The following LAYN variants were observed in gnomAD, a reference collection of about 807,000 sequenced individuals.
LAYN encodes layilin.
Under a neutral mutation model 43.6 loss-of-function variants are expected in LAYN, and 38 were observed. That is an observed-to-expected ratio of 0.87 (90% CI 0.67 to 1.14). The LOEUF (loss-of-function observed/expected upper bound fraction) is 1.14. Ranked by LOEUF, LAYN falls within the 50% of genes most tolerant of loss-of-function variation. The pLI, the probability that LAYN is intolerant of heterozygous loss-of-function variation, is 0.00. For missense variants in LAYN, 479 were observed against 463.8 expected, an observed-to-expected ratio of 1.03 and a Z score of -0.30; for synonymous variants, 168 against 172.9, an observed-to-expected ratio of 0.97 and a Z score of 0.22.
chr11:111,544,731 C>T (rs907708703), intron 2 of LAYN, among the ~76,000 whole-genome samples: 4 of 152,110 alleles, frequency 2.6e-5, no homozygotes, highest in African/African-American at 9.7e-5. Flanking sequence ...CATGACATTG[C>T]CATCATCCCT....
Position 111,546,743 on chromosome 11 carries a change from A to G in LAYN, c.383+2523A>G, listed in dbSNP as rs1867655123. ...TAATCTCCGATTAGGTGTGTCTGAC[A>G]GTTCCTTGCTCATGATGGGCAGGTT... On this transcript the variant is annotated intron_variant, in intron 2 of 6. Coordinates refer to ENST00000375614, the MANE Select transcript of LAYN (RefSeq NM_178834.5). Among the ~76,000 whole-genome samples the G allele has an allele frequency of 2.0e-5, 3 of 152,190 alleles. No individual in the cohort carries two copies. In the South Asian group the frequency reaches 6.2e-4, roughly 31 times the overall value.
intron 5 of LAYN, among the ~76,000 whole-genome samples, chr11:111,557,178 G>GA (rs150212588): frequency 0.027 from 3,898 of 143,852 alleles, 69 homozygotes; most frequent in Non-Finnish European, 0.04. Context: ...TCTTTTCTCT[G>GA]AAAAAAAAAA....
At chr11:111,541,980 C>T (rs561220575) in intron 1 of LAYN, among the ~76,000 whole-genome samples, 2 of 152,174 alleles carry the variant, frequency 1.3e-5, no homozygotes, top group Non-Finnish European at 2.9e-5. Flanking sequence ...GTCTCTGGCA[C>T]TCACCCGCAG....
At position 111,547,431 on chromosome 11, in the gene LAYN, C is replaced by T. The variant is rs146196739; in HGVS notation, c.384-2187C>T. Among the ~76,000 whole-genome samples, 80 of 152,298 alleles carry T rather than the reference C, an allele frequency of 5.3e-4. 2 individuals carry two copies. The East Asian group carries it at 0.015, about 29-fold the overall frequency. On this transcript the variant is annotated intron_variant, in intron 2 of 6. Transcript: ENST00000375614. ...TGCAAGATGTCTAGGAAATCCAGAT[C>T]TCTTTACACCATATTATGACAGAGG...
At chr11:111,555,150 A>G in intron 4 of LAYN, 57 bp from the exon 5 acceptor site, 1 of 1,354,538 alleles carries the variant, frequency 7.4e-7, no homozygotes, top group Non-Finnish European at 1.1e-6. Flanking sequence ...TAGGACCTCA[A>G]AGAATACCTG....
In LAYN at chr11:111,560,184, A is replaced by G; in HGVS notation, c.851A>G (p.Tyr284Cys). ...HQGNSPDLEV[Y>C]NVIRKQSEAD... ...GGAAACAGCCCGGACCTAGAGGTCTACAATGTCATAAGAAAACAAAGCGAA... is the reference window on the plus strand; with the variant it reads ...GGAAACAGCCCGGACCTAGAGGTCTGCAATGTCATAAGAAAACAAAGCGAA... The change falls in exon 7 of 7, where the codon TAC (tyrosine) becomes TGC (cysteine). Residue 284 changes from tyrosine to cysteine, a missense_variant. Transcript: ENST00000375614. 1 of 1,614,254 alleles carries G rather than the reference A, an allele frequency of 6.2e-7. No individual in the cohort carries two copies. The highest frequency in any genetic ancestry group is 8.5e-7 in the Non-Finnish European group (1 of 1,180,034).
At chr11:111,557,145 G>A (rs1247623594) in intron 5 of LAYN, among the ~76,000 whole-genome samples, 3 of 151,548 alleles carry the variant, frequency 2.0e-5, no homozygotes, top group African/African-American at 7.3e-5. Flanking sequence ...CTTTACTAAG[G>A]GAGGACAAGA....
In LAYN at chr11:111,540,826, GC is replaced by G; in HGVS notation, c.-17del. 1 of 1,520,700 alleles carries G rather than the reference GC, an allele frequency of 6.6e-7. No individual in the cohort carries two copies. Among genetic ancestry groups the G allele is most frequent in the Non-Finnish European group, 8.8e-7 (1 of 1,141,148 alleles). 94.2% of individuals were successfully genotyped at this position (1,520,700 alleles called of 1,614,324 possible). The stretch of plus-strand genomic sequence containing the variant: ...CGCCGTAGCGCCCGAGTGTCGGGGG[GC>G]GCACCCGAGTCGGGCCATGAGGCCG... On this transcript the variant is annotated 5_prime_UTR_variant, in exon 1 of 7. Coordinates refer to ENST00000375614, the MANE Select transcript of LAYN (RefSeq NM_178834.5).
chr11:111,549,492 T>A (rs1278233419), intron 2 of LAYN, 126 bp from the exon 3 acceptor site: 2 of 729,218 alleles, frequency 2.7e-6, no homozygotes, highest in African/African-American at 1.8e-5. Context: ...CCTACCTCTC[T>A]CTGTATCATG....
chr11:111,548,035 G>A (rs1048108549), intron 2 of LAYN, among the ~76,000 whole-genome samples: 2 of 152,302 alleles, frequency 1.3e-5, no homozygotes, highest in Non-Finnish European at 2.9e-5. Context: ...TGGGGACTGG[G>A]GAATGATGAC....
chr11:111,554,491 T>C (rs1444365129), intron 3 of LAYN, 70 bp from the exon 4 acceptor site: 1 of 1,159,268 alleles, frequency 8.6e-7, no homozygotes, highest in East Asian at 2.3e-5. Context: ...GCCATGAGGC[T>C]GTGGTTGATT....
At chr11:111,541,388 C>G in intron 1 of LAYN, 1 of 651,940 alleles carries the variant, frequency 1.5e-6, no homozygotes, top group South Asian at 1.8e-5. Context: ...TCCCCGGTGC[C>G]GTGGGAACCC....
intron 1 of LAYN, among the ~76,000 whole-genome samples, chr11:111,543,253 C>T (rs1364035193): frequency 6.6e-6 from 1 of 152,178 alleles, no homozygotes; most frequent in African/African-American, 2.4e-5. Context: ...ACAGTATCTG[C>T]ATCAGGGGAC....
chr11:111,561,488 A>G lies in LAYN; in HGVS notation c.*1030A>G, dbSNP rs1002712302. The G allele has an allele frequency of 3.3e-5, 5 of 152,266 alleles. No individual in the cohort carries two copies. In the East Asian group the frequency reaches 9.6e-4, roughly 29 times the overall value. 9.4% of individuals were successfully genotyped at this position (152,266 alleles called of 1,614,324 possible). The stretch of plus-strand genomic sequence containing the variant: ...TTTGTTACTGCAGCATCAACATAAC[A>G]TGACTAATAATGATGACAGTTCTAC... On this transcript the variant is annotated 3_prime_UTR_variant, in exon 7 of 7. Transcript: ENST00000375614.
chr11:111,540,806 T>A lies in LAYN; in HGVS notation c.-38T>A, dbSNP rs775420671. On this transcript the variant is annotated 5_prime_UTR_variant, in exon 1 of 7. Transcript: ENST00000375614. Reference sequence around the variant, plus strand: ...TGCCCGCCAGCCCGCTCCACCGCCGTAGCGCCCGAGTGTCGGGGGGCGCAC... The same window carrying A: ...TGCCCGCCAGCCCGCTCCACCGCCGAAGCGCCCGAGTGTCGGGGGGCGCAC... 4.0e-6 allele frequency: 6 copies of A among 1,508,548 alleles called. No homozygotes were observed. In the South Asian group the frequency reaches 7.4e-5, roughly 19 times the overall value. 93.4% of individuals were successfully genotyped at this position (1,508,548 alleles called of 1,614,324 possible). A position where few individuals can be genotyped will look rare whatever the true frequency, so the allele number is the denominator to read the frequency against.
At chr11:111,554,350 A>G (rs577667343) in intron 3 of LAYN, among the ~76,000 whole-genome samples, 1 of 152,200 alleles carries the variant, frequency 6.6e-6, no homozygotes, top group Non-Finnish European at 1.5e-5. Context: ...AAAACAAAAA[A>G]GCACCAAAAT....
Position 111,557,637 on chromosome 11 carries a change from G to GA in LAYN, c.760dup (p.Arg254LysfsTer9), listed in dbSNP as rs759262620. 3.2e-5 allele frequency: 51 copies of GA among 1,611,704 alleles called. 1 individual carries two copies. In the South Asian group the frequency reaches 5.5e-4, roughly 17 times the overall value. ...GTTGTATGTTGGGTTTGGATCTGTAGAAAAAGGCAAGTAAAACCTTCATTG... is the reference window on the plus strand; with the variant it reads ...GTTGTATGTTGGGTTTGGATCTGTAGAAAAAAGGCAAGTAAAACCTTCATTG... On this transcript the variant is annotated frameshift_variant, in exon 6 of 7. Coordinates refer to ENST00000375614, the MANE Select transcript of LAYN (RefSeq NM_178834.5). LOFTEE classifies it high-confidence loss of function.
At position 111,553,214 on chromosome 11, in the gene LAYN, G is replaced by A. The variant is rs564740763; in HGVS notation, c.542-1347G>A. 4.1e-4 allele frequency among the ~76,000 whole-genome samples: 62 copies of A among 152,180 alleles called. No homozygotes were observed. In the South Asian group the frequency reaches 0.013, roughly 32 times the overall value. ...GCCGAGATCGCGCCACTGGACTCTAGCCTGGGCGACAGACTGAGACTCCAT... is the reference window on the plus strand; with the variant it reads ...GCCGAGATCGCGCCACTGGACTCTAACCTGGGCGACAGACTGAGACTCCAT... On this transcript the variant is annotated intron_variant, in intron 3 of 6. Transcript: ENST00000375614.
At chr11:111,545,114 A>G (rs996894239) in intron 2 of LAYN, among the ~76,000 whole-genome samples, 1 of 151,734 alleles carries the variant, frequency 6.6e-6, no homozygotes, top group Admixed American at 6.6e-5. Context: ...ATCAGCATCT[A>G]TCTTAGTCCA....
Sources: gnomAD v4.1 joint callset for allele counts (sites outside exome capture counted in the v4.1 genomes callset) on GRCh38, gnomAD v4.1.1 for gene constraint, MANE v1.5 for transcripts, NCBI Gene and HGNC (gene_info 2026-07-23, HGNC 2026-07-21) for gene names.